ARHGEF12: variants seen among roughly 807,000 people sequenced by gnomAD.
ARHGEF12 encodes the protein KMT2A/ARHGEF12 fusion protein.
A neutral mutation model predicts 211.2 loss-of-function variants in ARHGEF12; 66 were observed. The observed-to-expected ratio is 0.31, with a 90% CI of 0.26 to 0.38. ARHGEF12 has a LOEUF of 0.38. Ranked by LOEUF, ARHGEF12 falls within the 10% of genes least tolerant of loss-of-function variation. The pLI is 1.00. For missense variants in ARHGEF12, 1,429 were observed against 1,869.5 expected (o/e 0.76, Z 4.34); for synonymous variants, 592 against 638.4 (o/e 0.93, Z 1.09).
chr11:120,352,165 G>C (rs1211937425), intron 1 of ARHGEF12, among the ~76,000 whole-genome samples: 2 of 151,924 alleles, frequency 1.3e-5, no homozygotes, highest in African/African-American at 4.8e-5. Context: ...TTCTTTTCCA[G>C]ATTTCTGACA....
chr11:120,352,408 A>G (rs2135314708), intron 1 of ARHGEF12, among the ~76,000 whole-genome samples: 1 of 152,328 alleles, frequency 6.6e-6, no homozygotes, highest in East Asian at 1.9e-4. Context: ...CTTTGGAAGC[A>G]TAAATGATGT....
chr11:120,384,053 A>T (rs997709331), intron 1 of ARHGEF12, among the ~76,000 whole-genome samples: 1 of 152,184 alleles, frequency 6.6e-6, no homozygotes, highest in Non-Finnish European at 1.5e-5. Context: ...GAAAGTGCCA[A>T]GCATCAGAGA....
chr11:120,339,424 T>C (rs375787844), intron 1 of ARHGEF12, among the ~76,000 whole-genome samples: 1 of 152,196 alleles, frequency 6.6e-6, no homozygotes, highest in East Asian at 1.9e-4. Context: ...GTTTCTAGCT[T>C]TCTGTCAGCC....
In ARHGEF12 at chr11:120,451,594, C is replaced by T; in HGVS notation, c.1926C>T (p.Asp642=). 1.2e-6 allele frequency: 2 copies of T among 1,614,200 alleles called. No homozygotes were observed. The highest frequency in any genetic ancestry group is 1.7e-6 in the Non-Finnish European group (2 of 1,180,040). Residue 642 remains aspartate (D), a synonymous_variant, in exon 22 of 41, where the codon GAC becomes GAT. Transcript: ENST00000397843. ...CATCTGTGAGTCCTGAACCTCAGGA[C>T]TCTGCCAAGTTGCGCCAGAGTGGGT... The part of the protein sequence containing the change: ...TPSSVSPEPQ[D]SAKLRQSGLA...
intron 1 of ARHGEF12, among the ~76,000 whole-genome samples, chr11:120,364,663 T>A (rs1943373540): frequency 6.6e-6 from 1 of 152,154 alleles, no homozygotes; most frequent in Non-Finnish European, 1.5e-5. Flanking sequence ...ATAAAATATA[T>A]GTAAGCATTA....
intron 1 of ARHGEF12, among the ~76,000 whole-genome samples, chr11:120,354,606 T>G (rs1050534290): frequency 6.6e-6 from 1 of 152,246 alleles, no homozygotes; most frequent in Non-Finnish European, 1.5e-5. Context: ...TGTTGTTTTT[T>G]AACCCTTTTT....
At chr11:120,478,619 T>G (rs576357957) in intron 37 of ARHGEF12, among the ~76,000 whole-genome samples, 74 of 152,282 alleles carry the variant, frequency 4.9e-4, no homozygotes, top group African/African-American at 1.5e-3. Context: ...GGATAGCATA[T>G]CTCTCAGTTG....
chr11:120,480,532 T>G, intron 38 of ARHGEF12, 102 bp downstream of exon 38: 1 of 1,144,328 alleles, frequency 8.7e-7, no homozygotes, highest in Non-Finnish European at 1.2e-6. Flanking sequence ...TGTGTGTGTG[T>G]GTGTGTGTTC....
In ARHGEF12 at chr11:120,414,575, T is replaced by TAC. The variant is rs1432592940; in HGVS notation, c.199+5127_199+5128dup. Among the ~76,000 whole-genome samples, 4 of 152,214 alleles carry TAC rather than the reference T, an allele frequency of 2.6e-5. No individual in the cohort carries two copies. In the East Asian group the frequency reaches 7.7e-4, roughly 29 times the overall value. On this transcript the variant is annotated intron_variant, in intron 4 of 40. Transcript: ENST00000397843. Reference sequence around the variant, plus strand: ...TACTTTCTGGTTGTTCACAGTCTGGTACAAAAGAATTGCAATACATTTTGA... The same window carrying TAC: ...TACTTTCTGGTTGTTCACAGTCTGGTACACAAAAGAATTGCAATACATTTTGA...
At chr11:120,399,752 C>G (rs937834118) in intron 1 of ARHGEF12, among the ~76,000 whole-genome samples, 15 of 151,972 alleles carry the variant, frequency 9.9e-5, no homozygotes, top group African/African-American at 3.1e-4. Context: ...TTTCTTGCTG[C>G]AGAATGATAT....
intron 30 of ARHGEF12, among the ~76,000 whole-genome samples, chr11:120,471,013 A>G (rs1946849110): frequency 6.6e-6 from 1 of 152,230 alleles, no homozygotes; most frequent in South Asian, 2.1e-4. Flanking sequence ...CTGGTTATCC[A>G]TTGTGCCTGC....
chr11:120,442,861 A>G lies in ARHGEF12; in HGVS notation c.1302+659A>G, dbSNP rs147467849. ...CTTTTTCCCTCCTAAAACCTCCATCACTTCCTTTCCTAGTCCTTTCTCAGC... is the reference window on the plus strand; with the variant it reads ...CTTTTTCCCTCCTAAAACCTCCATCGCTTCCTTTCCTAGTCCTTTCTCAGC... On this transcript the variant is annotated intron_variant, in intron 15 of 40. Coordinates refer to ENST00000397843, the MANE Select transcript of ARHGEF12 (RefSeq NM_015313.3). Among the ~76,000 whole-genome samples the G allele has an allele frequency of 6.4e-4, 97 of 151,798 alleles. 1 individual carries two copies. Among genetic ancestry groups the G allele is most frequent in the African/African-American group, 2.2e-3 (92 of 41,350 alleles).
At chr11:120,435,957 A>G (rs1355622136) in intron 11 of ARHGEF12, among the ~76,000 whole-genome samples, 1 of 152,258 alleles carries the variant, frequency 6.6e-6, no homozygotes, top group Non-Finnish European at 1.5e-5. Context: ...GTTACAAAAA[A>G]TGATTTCCCT....
At chr11:120,467,432 T>TA in intron 29 of ARHGEF12, 124 bp downstream of exon 29, 73 of 509,558 alleles carry the variant, frequency 1.4e-4, no homozygotes, top group Middle Eastern at 3.8e-4. Context: ...GACAAGATTT[T>TA]CTTTTTTTTT....
intron 40 of ARHGEF12, 124 bp downstream of exon 40, chr11:120,484,631 C>T (rs1947351423): frequency 1.1e-6 from 1 of 880,626 alleles, no homozygotes; most frequent in Admixed American, 2.7e-5. Context: ...AAAGAACTGC[C>T]TGTTTCTAAA....
Position 120,460,841 on chromosome 11 carries a change from A to G in ARHGEF12, c.2613+84A>G. The G allele has an allele frequency of 7.0e-6, 8 of 1,149,522 alleles. No homozygotes were observed. In the South Asian group the frequency reaches 8.9e-5, roughly 13 times the overall value. 71.2% of individuals were successfully genotyped at this position (1,149,522 alleles called of 1,614,324 possible). A position where few individuals can be genotyped will look rare whatever the true frequency, so the allele number is the denominator to read the frequency against. ...AGTTGAGTAACTAACCTTTCCAAAT[A>G]TGCAAACTCATCCATGTTGCAAAGT... On this transcript the variant is annotated intron_variant, in intron 27 of 40. Transcript: ENST00000397843.
At chr11:120,408,789 T>C (rs547792071) in intron 3 of ARHGEF12, 1 of 152,196 alleles carries the variant, frequency 6.6e-6, no homozygotes, top group South Asian at 2.1e-4. Flanking sequence ...TTTTGGGTAG[T>C]AGGTAAAATG....
rs535188284 is a variant in ARHGEF12, at chr11:120,366,971, G to A, written c.32+29696G>A. Among the ~76,000 whole-genome samples, 6 of 151,972 alleles carry A rather than the reference G, an allele frequency of 3.9e-5. No individual in the cohort carries two copies. The South Asian group carries it at 1.2e-3, about 32-fold the overall frequency. On this transcript the variant is annotated intron_variant, in intron 1 of 40. Transcript: ENST00000397843. ...GCGGAGGTTGCAGTGAGCCGAGATT[G>A]TGTCACTGCACTCCAGCCTGGGTGA...
At chr11:120,345,442 G>A (rs1942675479) in intron 1 of ARHGEF12, among the ~76,000 whole-genome samples, 1 of 152,134 alleles carries the variant, frequency 6.6e-6, no homozygotes, top group Non-Finnish European at 1.5e-5. Context: ...AGTGGCTCAC[G>A]CCTGTAATCC....
Sources: allele counts gnomAD v4.1 joint callset (sites outside exome capture counted in the v4.1 genomes callset), GRCh38; gene constraint gnomAD v4.1.1; transcripts MANE v1.5; gene names NCBI Gene and HGNC (gene_info 2026-07-23, HGNC 2026-07-21).